RBM19: variants seen among roughly 807,000 people sequenced by gnomAD.
RBM19 encodes RNA binding motif protein 19.
A neutral mutation model predicts 116.8 loss-of-function variants in RBM19; 94 were observed. The ratio of observed to expected loss-of-function variants is 0.80; its 90% confidence interval spans 0.68 to 0.95. The LOEUF (loss-of-function observed/expected upper bound fraction) is 0.95, where lower values mean the gene tolerates loss of function less well. Among genes scored for constraint, RBM19 ranks in the 40% least tolerant of loss-of-function variants. RBM19 has a pLI of 0.00. For synonymous variants in RBM19, 475 were observed against 494.1 expected (o/e 0.96, Z 0.51); for missense variants, 1,161 against 1,220.7 (o/e 0.95, Z 0.73).
chr12:113,884,841 A>C (rs1403309146), intron 21 of RBM19, among the ~76,000 whole-genome samples: 1 of 152,248 alleles, frequency 6.6e-6, no homozygotes, highest in East Asian at 1.9e-4. Flanking sequence ...AATTGGGGAC[A>C]ATTTGCAAAA....
At chr12:113,965,280 T>TAA (rs144243457) in intron 1 of RBM19, among the ~76,000 whole-genome samples, 70 of 96,718 alleles carry the variant, frequency 7.2e-4, no homozygotes, top group African/African-American at 2.3e-3. Flanking sequence ...AGACTCCGTT[T>TAA]AAAAAAAAAA....
chr12:113,871,550 G>A (rs1879205637), intron 21 of RBM19, among the ~76,000 whole-genome samples: 1 of 152,238 alleles, frequency 6.6e-6, no homozygotes, highest in Admixed American at 6.5e-5. Context: ...GTAAATGAGT[G>A]GGTATGGCTA....
At chr12:113,914,329 T>C (rs1040986797) in intron 21 of RBM19, among the ~76,000 whole-genome samples, 3 of 152,238 alleles carry the variant, frequency 2.0e-5, no homozygotes, top group Non-Finnish European at 4.4e-5. Context: ...CTGCGACAGC[T>C]GCATTTTCCA....
intron 23 of RBM19, among the ~76,000 whole-genome samples, chr12:113,823,865 C>T (rs1032155454): frequency 1.3e-5 from 2 of 152,086 alleles, no homozygotes; most frequent in East Asian, 1.9e-4. Flanking sequence ...TCTTGGAGGC[C>T]AGGCTAATGG....
chr12:113,958,782 T>G (rs1261842148), intron 5 of RBM19, among the ~76,000 whole-genome samples: 1 of 151,936 alleles, frequency 6.6e-6, no homozygotes, highest in Non-Finnish European at 1.5e-5. Flanking sequence ...AAAGGCTCAC[T>G]CCCTCACCTC....
intron 23 of RBM19, among the ~76,000 whole-genome samples, chr12:113,842,002 G>A (rs1876526524): frequency 6.6e-6 from 1 of 152,180 alleles, no homozygotes; most frequent in African/African-American, 2.4e-5. Context: ...CTGTGAAATG[G>A]GGCTAATAGT....
intron 16 of RBM19, among the ~76,000 whole-genome samples, chr12:113,933,150 A>G (rs1869756461): frequency 1.3e-5 from 2 of 151,886 alleles, no homozygotes; most frequent in South Asian, 4.2e-4. Context: ...ACTGGTACAG[A>G]GAACAGGAGA....
At chr12:113,877,287 C>G (rs1879738236) in intron 21 of RBM19, among the ~76,000 whole-genome samples, 1 of 151,520 alleles carries the variant, frequency 6.6e-6, no homozygotes, top group African/African-American at 2.4e-5. Flanking sequence ...CTTTTACTGA[C>G]AGTACATTGC....
chr12:113,907,041 C>A (rs530571846), intron 21 of RBM19, among the ~76,000 whole-genome samples: 5 of 152,200 alleles, frequency 3.3e-5, no homozygotes, highest in Non-Finnish European at 4.4e-5. Flanking sequence ...GGAAGGATCC[C>A]CCCTGCAGCC....
intron 23 of RBM19, among the ~76,000 whole-genome samples, chr12:113,838,424 G>T (rs1876153497): frequency 6.6e-6 from 1 of 152,114 alleles, no homozygotes; most frequent in South Asian, 2.1e-4. Context: ...TCCACGGGGA[G>T]AACATGCAAA....
chr12:113,878,856 G>A (rs1879870771), intron 21 of RBM19, among the ~76,000 whole-genome samples: 1 of 149,776 alleles, frequency 6.7e-6, no homozygotes. Flanking sequence ...GGGGGGTGGT[G>A]AGAGGGTGAG....
At chr12:113,896,810 C>T (rs1342544564) in intron 21 of RBM19, among the ~76,000 whole-genome samples, 1 of 152,186 alleles carries the variant, frequency 6.6e-6, no homozygotes, top group Non-Finnish European at 1.5e-5. Context: ...AAAAGAACCT[C>T]TCCTATTTAT....
intron 21 of RBM19, among the ~76,000 whole-genome samples, chr12:113,868,454 T>G (rs1878996547): frequency 6.6e-6 from 1 of 152,234 alleles, no homozygotes; most frequent in South Asian, 2.1e-4. Flanking sequence ...TGAAAGATAT[T>G]GATAGATATT....
chr12:113,929,322 C>G (rs1054598309), intron 16 of RBM19, among the ~76,000 whole-genome samples: 3 of 152,206 alleles, frequency 2.0e-5, no homozygotes, highest in African/African-American at 7.2e-5. Context: ...CTTACAGAAA[C>G]AGCTACCGTG....
intron 18 of RBM19, 66 bp downstream of exon 18, chr12:113,924,631 A>C (rs1460042298): frequency 7.2e-6 from 10 of 1,389,692 alleles, no homozygotes; most frequent in African/African-American, 1.4e-5. Context: ...CTGAAGCTGG[A>C]GCTTCTTTTG....
intron 21 of RBM19, among the ~76,000 whole-genome samples, chr12:113,899,003 CATA>C (rs1420840691): frequency 1.3e-5 from 2 of 152,084 alleles, no homozygotes; most frequent in African/African-American, 2.4e-5. Context: ...AGTTAAATAA[CATA>C]ATAATAAAAA....
In RBM19 at chr12:113,825,528, C is replaced by T. The variant is rs1481592455; in HGVS notation, c.2786-2207G>A. On this transcript the variant is annotated intron_variant, in intron 23 of 23. Transcript: ENST00000261741. The surrounding 1 kb of genome is among the most constrained non-coding windows in gnomAD (Gnocchi z 5.7). The stretch of plus-strand genomic sequence containing the variant: ...AACGCAACAAAACAGGGCCCACAGG[C>T]GATCACTGACGCCCCTCCCATCTGC... Among the ~76,000 whole-genome samples the T allele has an allele frequency of 5.3e-5, 8 of 152,272 alleles. No individual in the cohort carries two copies. The highest frequency in any genetic ancestry group is 3.9e-4 in the East Asian group (2 of 5,172).
At chr12:113,944,910 C>A (rs56698726) in intron 13 of RBM19, among the ~76,000 whole-genome samples, 1 of 151,628 alleles carries the variant, frequency 6.6e-6, no homozygotes, top group Non-Finnish European at 1.5e-5. Context: ...CACACACACA[C>A]CCCTACTTGA....
intron 21 of RBM19, among the ~76,000 whole-genome samples, chr12:113,861,691 A>G (rs774769585): frequency 1.3e-5 from 2 of 152,158 alleles, no homozygotes; most frequent in African/African-American, 2.4e-5. Context: ...GAGAAAAATA[A>G]TTAAAAGGTA....
Sources: allele counts gnomAD v4.1 joint callset (sites outside exome capture counted in the v4.1 genomes callset), GRCh38; gene constraint gnomAD v4.1.1; non-coding constraint Gnocchi (gnomAD v3.1); transcripts MANE v1.5; gene names NCBI Gene and HGNC (gene_info 2026-07-23, HGNC 2026-07-21).